Variants in INPP4B observed in about 807,000 individuals in gnomAD.
INPP4B encodes inositol polyphosphate-4-phosphatase type II B.
INPP4B carries 55 observed loss-of-function variants against 122.5 expected under a neutral mutation model. The observed-to-expected ratio is 0.45, with a 90% CI of 0.36 to 0.56. INPP4B has a LOEUF of 0.56. Among genes scored for constraint, INPP4B ranks in the 20% least tolerant of loss-of-function variants. INPP4B has a pLI of 0.00. For synonymous variants in INPP4B, 403 were observed against 388.7 expected, an observed-to-expected ratio of 1.04 and a Z score of -0.43; for missense variants, 1,000 against 1,097.7, an observed-to-expected ratio of 0.91 and a Z score of 1.26.
chr4:142,052,198 TTA>T (rs1466823163), intron 25 of INPP4B, among the ~76,000 whole-genome samples: 2 of 151,978 alleles, frequency 1.3e-5, no homozygotes, highest in Non-Finnish European at 2.9e-5. Context: ...GTCCAAATAT[TTA>T]TACCTTTAAT....
intron 2 of INPP4B, among the ~76,000 whole-genome samples, chr4:142,540,088 T>C (rs1396292084): frequency 1.3e-5 from 2 of 152,062 alleles, no homozygotes; most frequent in East Asian, 3.9e-4. Flanking sequence ...CAGACAAGCT[T>C]CAGTTATTAT....
chr4:142,622,999 C>A (rs539481765), intron 2 of INPP4B, among the ~76,000 whole-genome samples: 2 of 152,012 alleles, frequency 1.3e-5, no homozygotes, highest in South Asian at 2.1e-4. Flanking sequence ...TGGCCCTTAA[C>A]ACTCCTCTAT....
intron 12 of INPP4B, among the ~76,000 whole-genome samples, 171 bp downstream of exon 12, chr4:142,237,693 T>A (rs890785095): frequency 6.6e-6 from 1 of 151,888 alleles, no homozygotes; most frequent in Non-Finnish European, 1.5e-5. Flanking sequence ...AGAGAAAAAA[T>A]AATAATTGAT....
At chr4:142,509,390 C>T (rs374581453) in intron 2 of INPP4B, among the ~76,000 whole-genome samples, 18 of 152,218 alleles carry the variant, frequency 1.2e-4, no homozygotes, top group African/African-American at 3.6e-4. Flanking sequence ...CCCCCATCCC[C>T]TGACAGGCCC....
chr4:142,722,679 T>C (rs1352346824), intron 2 of INPP4B, among the ~76,000 whole-genome samples: 1 of 152,204 alleles, frequency 6.6e-6, no homozygotes, highest in African/African-American at 2.4e-5. Context: ...TTCAATGATT[T>C]ATTCTCTGAT....
chr4:142,166,223 T>C (rs1822639533), intron 16 of INPP4B, among the ~76,000 whole-genome samples: 1 of 151,694 alleles, frequency 6.6e-6, no homozygotes, highest in South Asian at 2.1e-4. Context: ...ATGATCAATT[T>C]TGAGTTAAAT....
At chr4:142,107,329 A>T (rs1787679589) in intron 23 of INPP4B, among the ~76,000 whole-genome samples, 1 of 152,232 alleles carries the variant, frequency 6.6e-6, no homozygotes, top group Non-Finnish European at 1.5e-5. Context: ...AGTAACGAGT[A>T]GACTTTGATT....
intron 2 of INPP4B, among the ~76,000 whole-genome samples, chr4:142,685,038 T>G (rs2150698328): frequency 6.6e-6 from 1 of 152,218 alleles, no homozygotes; most frequent in African/African-American, 2.4e-5. Context: ...AAAATGTAGA[T>G]ATTTATTTTC....
At chr4:142,796,757 A>G (rs1224326770) in intron 1 of INPP4B, among the ~76,000 whole-genome samples, 3 of 151,910 alleles carry the variant, frequency 2.0e-5, no homozygotes, top group African/African-American at 7.3e-5. Context: ...GCCTTAGAGG[A>G]AGGTTTCTGT....
chr4:142,118,589 A>C (rs1277628666), intron 21 of INPP4B, among the ~76,000 whole-genome samples: 1 of 152,166 alleles, frequency 6.6e-6, no homozygotes, highest in Non-Finnish European at 1.5e-5. Context: ...CTGGCTAGCC[A>C]TATGTAGAAA....
intron 2 of INPP4B, among the ~76,000 whole-genome samples, chr4:142,513,137 T>C (rs187624913): frequency 3.3e-5 from 5 of 152,310 alleles, no homozygotes; most frequent in Admixed American, 2.6e-4. Flanking sequence ...TGAGCAAATA[T>C]GTATGCACTG....
intron 1 of INPP4B, among the ~76,000 whole-genome samples, chr4:142,786,626 C>T: frequency 6.6e-6 from 1 of 152,042 alleles, no homozygotes; most frequent in African/African-American, 2.4e-5. Context: ...AAACACAACA[C>T]ACAGTATTTC....
chr4:142,238,527 G>T (rs1857643830), intron 11 of INPP4B, among the ~76,000 whole-genome samples: 1 of 151,972 alleles, frequency 6.6e-6, no homozygotes, highest in Admixed American at 6.6e-5. Flanking sequence ...AGTTACAAAA[G>T]GTCTTACTAA....
chr4:142,704,073 A>G (rs1762156822), intron 2 of INPP4B, among the ~76,000 whole-genome samples: 1 of 152,178 alleles, frequency 6.6e-6, no homozygotes, highest in Non-Finnish European at 1.5e-5. Flanking sequence ...CACAGAGCAG[A>G]GGACTCAAGG....
Position 142,579,879 on chromosome 4 carries a change from G to A in INPP4B, c.-190-117153C>T, listed in dbSNP as rs74974584. 4.2e-3 allele frequency among the ~76,000 whole-genome samples: 594 copies of A among 142,512 alleles called. 1 individual carries two copies. Among genetic ancestry groups the A allele is most frequent in the East Asian group, 6.7e-3 (31 of 4,648 alleles). 93.5% of individuals were successfully genotyped at this position (142,512 alleles called of 152,430 possible). ...AATGGATAGATAGATAGATAGGTAG[G>A]TAGATAGATAGATAGATAGATAGAT... On this transcript the variant is annotated intron_variant, in intron 2 of 25. Transcript: ENST00000262992.
intron 23 of INPP4B, among the ~76,000 whole-genome samples, chr4:142,093,752 C>T (rs186557450): frequency 6.6e-6 from 1 of 152,206 alleles, no homozygotes; most frequent in East Asian, 1.9e-4. Context: ...ATTGCATTTC[C>T]AATTTTCAAT....
At chr4:142,774,066 G>A (rs914615679) in intron 1 of INPP4B, among the ~76,000 whole-genome samples, 1 of 152,076 alleles carries the variant, frequency 6.6e-6, no homozygotes, top group Non-Finnish European at 1.5e-5. Context: ...AAAGAAGAGT[G>A]CATGTACATA....
chr4:142,696,794 G>C (rs2150743468), intron 2 of INPP4B, among the ~76,000 whole-genome samples: 1 of 152,290 alleles, frequency 6.6e-6, no homozygotes, highest in South Asian at 2.1e-4. Context: ...TAACACCAAG[G>C]CTGTCCAAGA....
At chr4:142,288,233 G>A (rs997748381) in intron 9 of INPP4B, among the ~76,000 whole-genome samples, 25 of 152,106 alleles carry the variant, frequency 1.6e-4, no homozygotes, top group African/African-American at 4.8e-4. Context: ...CTTCTGCTTC[G>A]AACACAGAAA....
Sources: gnomAD v4.1 joint callset for allele counts (sites outside exome capture counted in the v4.1 genomes callset) on GRCh38, gnomAD v4.1.1 for gene constraint, MANE v1.5 for transcripts, NCBI Gene and HGNC (gene_info 2026-07-23, HGNC 2026-07-21) for gene names.